Variants in PLXDC1 observed in about 807,000 individuals in gnomAD.
The protein encoded by PLXDC1 is plexin domain-containing protein 1.
A neutral mutation model predicts 61.3 loss-of-function variants in PLXDC1; 39 were observed. The observed-to-expected ratio is 0.64, with a 90% CI of 0.49 to 0.83. PLXDC1 has a LOEUF of 0.83. Ranked by LOEUF, PLXDC1 falls within the 40% of genes least tolerant of loss-of-function variation. PLXDC1 has a pLI of 0.00. For missense variants in PLXDC1, 596 were observed against 666.5 expected (o/e 0.89, Z 1.17); for synonymous variants, 212 against 254.5 (o/e 0.83, Z 1.59).
intron 7 of PLXDC1, among the ~76,000 whole-genome samples, chr17:39,105,344 G>T (rs1910556492): frequency 6.6e-6 from 1 of 152,132 alleles, no homozygotes; most frequent in Non-Finnish European, 1.5e-5. Context: ...ACTGGAGGAG[G>T]GCCTGGGAGG....
chr17:39,125,798 C>T (rs997137025), intron 2 of PLXDC1, among the ~76,000 whole-genome samples: 1 of 152,182 alleles, frequency 6.6e-6, no homozygotes, highest in African/African-American at 2.4e-5. Context: ...GGAGAAAACT[C>T]ACAATTTTCT....
At chr17:39,127,855 G>T (rs1312471450) in intron 2 of PLXDC1, among the ~76,000 whole-genome samples, 2 of 149,418 alleles carry the variant, frequency 1.3e-5, no homozygotes, top group Non-Finnish European at 3.0e-5. Context: ...CTACTCGGGA[G>T]GCTGAGGCAG....
intron 2 of PLXDC1, among the ~76,000 whole-genome samples, chr17:39,116,347 C>A (rs1200577485): frequency 6.6e-6 from 1 of 152,170 alleles, no homozygotes; most frequent in African/African-American, 2.4e-5. Flanking sequence ...GCCCCCAGCA[C>A]CTCCCTAGCG....
At chr17:39,072,293 C>G in intron 12 of PLXDC1, 157 bp downstream of exon 12, 1 of 658,174 alleles carries the variant, frequency 1.5e-6, no homozygotes. Context: ...CAGAAGCCCC[C>G]CTGCCTCCCC....
At position 39,122,116 on chromosome 17, in the gene PLXDC1, G is replaced by GC. The variant is rs1567767686; in HGVS notation, c.256-12726_256-12725insG. Among the ~76,000 whole-genome samples, 5 of 141,752 alleles carry GC rather than the reference G, an allele frequency of 3.5e-5. No individual in the cohort carries two copies. In the East Asian group the frequency reaches 8.4e-4, roughly 24 times the overall value. The allele number at this position is 141,752 out of a possible 152,430, so 93.0% of individuals were successfully genotyped here. A position where few individuals can be genotyped will look rare whatever the true frequency, so the allele number is the denominator to read the frequency against. ...TGTCAAAAAAAAAAAAAAAAAGGGG[G>GC]GGGGGACTGGGTGCAGTGACTCACG... On this transcript the variant is annotated intron_variant, in intron 2 of 13. Transcript: ENST00000315392.
chr17:39,135,548 A>T (rs1911719330), intron 2 of PLXDC1, among the ~76,000 whole-genome samples: 2 of 151,958 alleles, frequency 1.3e-5, no homozygotes, highest in Non-Finnish European at 2.9e-5. Flanking sequence ...GTGGTGGCGC[A>T]TGCCTGTAAT....
chr17:39,087,904 T>A (rs764201613), intron 7 of PLXDC1, among the ~76,000 whole-genome samples: 2 of 152,120 alleles, frequency 1.3e-5, no homozygotes, highest in Non-Finnish European at 2.9e-5. Flanking sequence ...TGAGGCTAAG[T>A]GACTCAACGC....
At chr17:39,129,724 G>GAAAGAAAGAAAGAAAGAAAGAAAGAAAGA (rs1405697768) in intron 2 of PLXDC1, among the ~76,000 whole-genome samples, 1 of 140,212 alleles carries the variant, frequency 7.1e-6, no homozygotes, top group Admixed American at 7.3e-5. Flanking sequence ...AAGAAAGAAA[G>GAAAGAAAGAAAGAAAGAAAGAAAGAAAGA]AAAGAAAAGA....
chr17:39,111,768 G>A (rs1266723876), intron 2 of PLXDC1: 1 of 152,282 alleles, frequency 6.6e-6, no homozygotes, highest in Non-Finnish European at 1.5e-5. Context: ...AAGCCACCTG[G>A]TAGGGGGGCT....
At chr17:39,093,746 C>A (rs1292450125) in intron 7 of PLXDC1, among the ~76,000 whole-genome samples, 1 of 151,472 alleles carries the variant, frequency 6.6e-6, no homozygotes, top group Non-Finnish European at 1.5e-5. Context: ...TAAAATTAAG[C>A]CAAAATCCAA....
intron 7 of PLXDC1, among the ~76,000 whole-genome samples, chr17:39,092,325 C>T (rs1909987358): frequency 6.6e-6 from 1 of 152,300 alleles, no homozygotes; most frequent in Middle Eastern, 3.4e-3. Context: ...CTGCCTGCCT[C>T]AGCCTCCCAA....
Position 39,109,317 on chromosome 17 carries a change from A to G in PLXDC1, c.330T>C (p.Asp110=), listed in dbSNP as rs767037447. 1 of 1,612,392 alleles carries G rather than the reference A, an allele frequency of 6.2e-7. No homozygotes were observed. Among genetic ancestry groups the G allele is most frequent in the South Asian group, 1.1e-5 (1 of 90,418 alleles). The part of the protein sequence containing the change: ...SEPHSRELWV[D]VAEANRSQVK... ...CTTGGCTCCGGTTGGCCTCGGCCAC[A>G]TCTACCCACAGTTCCCGGCTGTGGG... Residue 110 remains aspartate, a synonymous_variant, in exon 3 of 14, where the codon GAT becomes GAC. Transcript: ENST00000315392.
At chr17:39,085,445 A>T (rs941489809) in intron 8 of PLXDC1, among the ~76,000 whole-genome samples, 17 of 152,242 alleles carry the variant, frequency 1.1e-4, no homozygotes, top group African/African-American at 4.1e-4. Flanking sequence ...TCGAATCAAT[A>T]TATAAGTGCT....
intron 13 of PLXDC1, among the ~76,000 whole-genome samples, chr17:39,068,166 A>G (rs4416046): frequency 0.27 from 40,930 of 152,132 alleles, 6,377 homozygotes; most frequent in East Asian, 0.43. Flanking sequence ...AAACCTGCCG[A>G]AAGCTAGAGT....
At chr17:39,068,072 C>T in intron 13 of PLXDC1, 113 bp from the exon 14 acceptor site, 1 of 977,478 alleles carries the variant, frequency 1.0e-6, no homozygotes, top group Non-Finnish European at 1.5e-6. Context: ...CCCTGGGGCA[C>T]TTGGGCCTAC....
chr17:39,075,522 G>C (rs1485257502), intron 11 of PLXDC1, among the ~76,000 whole-genome samples: 2 of 152,200 alleles, frequency 1.3e-5, no homozygotes. Flanking sequence ...CTTCTTGGCT[G>C]TGTGACCTTG....
At chr17:39,107,571 G>A in intron 5 of PLXDC1, 46 bp from the exon 6 acceptor site, 1 of 1,369,990 alleles carries the variant, frequency 7.3e-7, no homozygotes, top group Non-Finnish European at 1.0e-6. Context: ...ATCATGCAAG[G>A]AGCAGGGCCC....
chr17:39,151,638 A>G, upstream of PLXDC1: 1 of 898,538 alleles, frequency 1.1e-6, no homozygotes, highest in Non-Finnish European at 1.3e-6. The surrounding 1 kb of genome is among the most constrained non-coding windows in gnomAD (Gnocchi z 5.2). Context: ...CTCCGGGAGC[A>G]GGCGGGGAGC....
At chr17:39,123,945 G>C (rs1340905541) in intron 2 of PLXDC1, among the ~76,000 whole-genome samples, 4 of 152,158 alleles carry the variant, frequency 2.6e-5, no homozygotes, top group Non-Finnish European at 4.4e-5. Flanking sequence ...ATGGTGCTGA[G>C]GCAGCTGGGT....
Sources: allele counts gnomAD v4.1 joint callset (sites outside exome capture counted in the v4.1 genomes callset), GRCh38; gene constraint gnomAD v4.1.1; non-coding constraint Gnocchi (gnomAD v3.1); transcripts MANE v1.5; gene names NCBI Gene and HGNC (gene_info 2026-07-23, HGNC 2026-07-21).